DAPP1: variants seen among roughly 807,000 people sequenced by gnomAD.
DAPP1 encodes dual adaptor of phosphotyrosine and 3-phosphoinositides 1.
Under a neutral mutation model 41.5 loss-of-function variants are expected in DAPP1, and 20 were observed. The ratio of observed to expected loss-of-function variants is 0.48; its 90% confidence interval spans 0.34 to 0.70. The LOEUF is 0.70. DAPP1 is among the 30% of genes least tolerant of loss of function. The pLI is 0.01. For synonymous variants in DAPP1, 113 were observed against 116.2 expected, an observed-to-expected ratio of 0.97 and a Z score of 0.18; for missense variants, 233 against 333.4, an observed-to-expected ratio of 0.70 and a Z score of 2.35.
chr4:99,856,412 C>G (rs1724046087), intron 4 of DAPP1, among the ~76,000 whole-genome samples: 1 of 151,946 alleles, frequency 6.6e-6, no homozygotes, highest in South Asian at 2.1e-4. Context: ...GTACAAAGGC[C>G]CTGGAGTGGA....
At chr4:99,830,320 T>G (rs1723080015) in intron 1 of DAPP1, among the ~76,000 whole-genome samples, 1 of 152,046 alleles carries the variant, frequency 6.6e-6, no homozygotes, top group South Asian at 2.1e-4. Context: ...GAGGCAGAGG[T>G]TGCAGTGAGC....
At chr4:99,820,961 T>C (rs1578339471) in intron 1 of DAPP1, among the ~76,000 whole-genome samples, 1 of 152,178 alleles carries the variant, frequency 6.6e-6, no homozygotes, top group Admixed American at 6.5e-5. Context: ...CCTCAGCTGG[T>C]GGTTTGCTGA....
At chr4:99,821,999 T>C (rs1199627407) in intron 1 of DAPP1, among the ~76,000 whole-genome samples, 1 of 152,080 alleles carries the variant, frequency 6.6e-6, no homozygotes, top group Non-Finnish European at 1.5e-5. Context: ...GGTGTGACAC[T>C]AACTACAGCA....
intron 3 of DAPP1, chr4:99,844,831 G>A (rs985437786): frequency 1.3e-5 from 2 of 152,070 alleles, no homozygotes; most frequent in African/African-American, 2.4e-5. Flanking sequence ...GACAGCTACC[G>A]CTATTATTAT....
downstream of DAPP1, among the ~76,000 whole-genome samples, chr4:99,870,750 GCA>G (rs1724611700): frequency 6.6e-6 from 1 of 152,160 alleles, no homozygotes; most frequent in South Asian, 2.1e-4. Context: ...CAAAGTATTC[GCA>G]GTTATTCTCA....
chr4:99,866,184 A>G, intron 8 of DAPP1, 63 bp downstream of exon 8: 1 of 915,972 alleles, frequency 1.1e-6, no homozygotes, highest in Non-Finnish European at 1.8e-6. Context: ...GATTTCAAAC[A>G]TATTTCTATC....
In DAPP1 at chr4:99,816,838, C is replaced by A; in HGVS notation, c.-76C>A. 1.5e-6 allele frequency: 2 copies of A among 1,305,356 alleles called. No homozygotes were observed. Among genetic ancestry groups the A allele is most frequent in the Non-Finnish European group, 1.1e-6 (1 of 940,760 alleles). 80.9% of individuals were successfully genotyped at this position (1,305,356 alleles called of 1,614,324 possible). On this transcript the variant is annotated 5_prime_UTR_variant, in exon 1 of 9. In the 5' UTR this introduces an upstream ATG that the reference lacks. Transcript: ENST00000512369. ...CTTGGAGACTCAGAGCCATAGCAGG[C>A]TGCTGTCTCACAGAGCGAGAAGGTG...
intron 4 of DAPP1, among the ~76,000 whole-genome samples, chr4:99,856,046 T>C (rs1014719274): frequency 2.6e-5 from 4 of 152,210 alleles, no homozygotes; most frequent in Admixed American, 6.5e-5. Flanking sequence ...CAACATAGCA[T>C]TGAGTTCCCA....
intron 1 of DAPP1, among the ~76,000 whole-genome samples, chr4:99,832,061 TC>T: frequency 6.6e-6 from 1 of 152,158 alleles, no homozygotes; most frequent in Non-Finnish European, 1.5e-5. Flanking sequence ...TTTTAGAACA[TC>T]CCTTGGGTAC....
At chr4:99,817,531 C>A (rs1722628828) in intron 1 of DAPP1, among the ~76,000 whole-genome samples, 1 of 152,182 alleles carries the variant, frequency 6.6e-6, no homozygotes, top group Admixed American at 6.5e-5. Flanking sequence ...CCTGATACTG[C>A]ATTTGTGAGA....
At chr4:99,872,111 G>T (rs1345254960), downstream of DAPP1, among the ~76,000 whole-genome samples, 2 of 152,210 alleles carry the variant, frequency 1.3e-5, no homozygotes, top group African/African-American at 4.8e-5. Flanking sequence ...AGGACTTCCA[G>T]AAATATCTGG....
chr4:99,822,486 G>C (rs887288173), intron 1 of DAPP1, among the ~76,000 whole-genome samples: 2 of 152,128 alleles, frequency 1.3e-5, no homozygotes, highest in Admixed American at 1.3e-4. Flanking sequence ...GATGGCCTTG[G>C]AGCTGATATG....
At chr4:99,839,893 C>G (rs887420831) in intron 2 of DAPP1, among the ~76,000 whole-genome samples, 1 of 152,182 alleles carries the variant, frequency 6.6e-6, no homozygotes, top group Non-Finnish European at 1.5e-5. Flanking sequence ...AAAACCCAGT[C>G]TTTACTAAAT....
At chr4:99,866,501 G>T (rs1724463359) in intron 8 of DAPP1, 3 of 762,300 alleles carry the variant, frequency 3.9e-6, no homozygotes, top group Non-Finnish European at 4.8e-6. Context: ...TGTTAGAGAA[G>T]AAAGTTTGCC....
intron 2 of DAPP1, among the ~76,000 whole-genome samples, chr4:99,838,442 G>T (rs35139602): frequency 0.12 from 18,737 of 152,170 alleles, 1,212 homozygotes; most frequent in Non-Finnish European, 0.14. Context: ...TTTGGTACGT[G>T]TTGTAGAACA....
chr4:99,822,760 T>C (rs898649009), intron 1 of DAPP1, among the ~76,000 whole-genome samples: 1 of 152,190 alleles, frequency 6.6e-6, no homozygotes, highest in Non-Finnish European at 1.5e-5. Flanking sequence ...TACTCTTAGA[T>C]ATTTTGTTAA....
At chr4:99,822,145 C>A (rs1405342305) in intron 1 of DAPP1, among the ~76,000 whole-genome samples, 1 of 152,174 alleles carries the variant, frequency 6.6e-6, no homozygotes, top group Non-Finnish European at 1.5e-5. Context: ...TGAATTTCCT[C>A]TTCAGTTGTG....
At chr4:99,830,384 G>GAA (rs139695851) in intron 1 of DAPP1, among the ~76,000 whole-genome samples, 1 of 146,866 alleles carries the variant, frequency 6.8e-6, no homozygotes, top group Non-Finnish European at 1.5e-5. Flanking sequence ...CTCTATCTAG[G>GAA]AAAAAAAAAA....
intron 5 of DAPP1, 34 bp downstream of exon 5, chr4:99,861,659 A>G: frequency 6.4e-7 from 1 of 1,555,634 alleles, no homozygotes; most frequent in Middle Eastern, 1.7e-4. Flanking sequence ...TGCCAGCCAC[A>G]GAAAAAAGAG....
Sources: gnomAD v4.1 joint callset for allele counts (sites outside exome capture counted in the v4.1 genomes callset) on GRCh38, gnomAD v4.1.1 for gene constraint, MANE v1.5 for transcripts, NCBI Gene and HGNC (gene_info 2026-07-23, HGNC 2026-07-21) for gene names.